DPH6: variants seen among roughly 807,000 people sequenced by gnomAD.
DPH6 encodes the protein diphthine--ammonia ligase.
Under a neutral mutation model 38.2 loss-of-function variants are expected in DPH6, and 33 were observed. That is an observed-to-expected ratio of 0.86 (90% confidence interval 0.65 to 1.15). DPH6 has a LOEUF of 1.15. Among genes scored for constraint, DPH6 ranks in the 50% most tolerant of loss-of-function variants. The probability of loss-of-function intolerance (pLI) is 0.00; values close to 1 mark genes in which losing one functional copy is unlikely to be tolerated. For missense variants in DPH6, 325 were observed against 320.0 expected (o/e 1.02, Z -0.12); for synonymous variants, 108 against 103.0 (o/e 1.05, Z -0.30).
At chr15:35,395,963 G>A (rs184637661) in intron 6 of DPH6, among the ~76,000 whole-genome samples, 26 of 152,212 alleles carry the variant, frequency 1.7e-4, no homozygotes, top group Admixed American at 1.4e-3. Flanking sequence ...TCAACTAACA[G>A]TTCATCTACA....
chr15:35,224,172 T>C (rs1233360901), intron 3 of DPH6, among the ~76,000 whole-genome samples: 1 of 147,514 alleles, frequency 6.8e-6, no homozygotes, highest in African/African-American at 2.5e-5. Context: ...AGTGGTGTGA[T>C]CTCAGCTCAC....
intron 3 of DPH6, among the ~76,000 whole-genome samples, chr15:35,274,167 TAATG>T (rs1238316919): frequency 6.6e-6 from 1 of 152,210 alleles, no homozygotes; most frequent in African/African-American, 2.4e-5. Context: ...ATTTCCTATT[TAATG>T]AATGGTGCTG....
intron 3 of DPH6, among the ~76,000 whole-genome samples, chr15:35,297,880 T>C (rs1008544688): frequency 6.6e-6 from 1 of 152,148 alleles, no homozygotes; most frequent in Non-Finnish European, 1.5e-5. Context: ...CTACCATTTA[T>C]TTGGTGGCCA....
At chr15:35,515,051 C>T (rs73382766) in intron 3 of DPH6, among the ~76,000 whole-genome samples, 14,105 of 151,868 alleles carry the variant, frequency 0.093, 895 homozygotes, top group African/African-American at 0.18. Flanking sequence ...AAGACAGACA[C>T]TGTGCTTTAA....
intron 3 of DPH6, among the ~76,000 whole-genome samples, chr15:35,528,616 G>C (rs367907146): frequency 5.1e-4 from 78 of 152,164 alleles, no homozygotes; most frequent in African/African-American, 1.9e-3. Flanking sequence ...CTCACCTACA[G>C]AGTTGCCTAT....
intron 5 of DPH6, among the ~76,000 whole-genome samples, chr15:35,426,354 C>T (rs551395045): frequency 6.6e-6 from 1 of 151,724 alleles, no homozygotes; most frequent in South Asian, 2.1e-4. Flanking sequence ...AAAATGTTAA[C>T]TATAGAATAT....
At chr15:35,496,590 A>ATATATATATATATATATATATC (rs2054561933) in intron 3 of DPH6, among the ~76,000 whole-genome samples, 2 of 130,748 alleles carry the variant, frequency 1.5e-5, no homozygotes, top group African/African-American at 5.9e-5. Context: ...ATATATATAT[A>ATATATATATATATATATATATC]TCCTCTACCA....
At chr15:35,179,279 T>C in the DPH6 span, among the ~76,000 whole-genome samples, 1 of 151,810 alleles carries the variant, frequency 6.6e-6, no homozygotes, top group South Asian at 2.1e-4. Context: ...ACATCAAATT[T>C]TAAAATGCTT....
At chr15:35,174,031 T>C in the DPH6 span, among the ~76,000 whole-genome samples, 1 of 152,214 alleles carries the variant, frequency 6.6e-6, no homozygotes, top group Non-Finnish European at 1.5e-5. Flanking sequence ...GGAGCTTGCA[T>C]TCTTCCAGTG....
At chr15:35,450,350 C>T (rs1665008701) in intron 5 of DPH6, among the ~76,000 whole-genome samples, 1 of 150,966 alleles carries the variant, frequency 6.6e-6, no homozygotes, top group African/African-American at 2.4e-5. Context: ...CAAAAATAAC[C>T]CTTGTATTTC....
intron 3 of DPH6, among the ~76,000 whole-genome samples, chr15:35,231,323 G>A (rs1225368885): frequency 2.6e-5 from 4 of 152,142 alleles, no homozygotes; most frequent in Non-Finnish European, 4.4e-5. Flanking sequence ...TACAATTGCT[G>A]GCTCTCCCTC....
intron 5 of DPH6, among the ~76,000 whole-genome samples, chr15:35,417,762 C>T (rs889347529): frequency 2.6e-5 from 4 of 152,014 alleles, no homozygotes; most frequent in African/African-American, 4.8e-5. Flanking sequence ...TTTTCAATTT[C>T]TAAGCAGTAG....
intron 3 of DPH6, among the ~76,000 whole-genome samples, chr15:35,274,453 C>G (rs929289901): frequency 1.1e-4 from 17 of 152,034 alleles, no homozygotes; most frequent in African/African-American, 3.9e-4. Flanking sequence ...TCAGAGTGAA[C>G]AGGCAACCTA....
chr15:35,364,132 T>C (rs2052636868), intron 3 of DPH6, among the ~76,000 whole-genome samples: 1 of 152,076 alleles, frequency 6.6e-6, no homozygotes. Flanking sequence ...TCCTTTGGTG[T>C]GGATATTTTC....
chr15:35,393,239 G>T (rs915709473), intron 6 of DPH6, among the ~76,000 whole-genome samples: 2 of 152,160 alleles, frequency 1.3e-5, no homozygotes, highest in Non-Finnish European at 2.9e-5. Flanking sequence ...AATGGGGATG[G>T]AGAGGAGAGA....
chr15:35,192,458 T>C, the DPH6 span, among the ~76,000 whole-genome samples: 1 of 152,204 alleles, frequency 6.6e-6, no homozygotes, highest in African/African-American at 2.4e-5. Context: ...GCAGAATAGC[T>C]CTATTTTTCC....
At chr15:35,284,781 T>C (rs1480968885) in intron 3 of DPH6, among the ~76,000 whole-genome samples, 1 of 147,824 alleles carries the variant, frequency 6.8e-6, no homozygotes, top group Non-Finnish European at 1.5e-5. Context: ...AAAAGGAAAA[T>C]TCATGGGTGA....
intron 3 of DPH6, chr15:35,522,241 G>A: frequency 6.2e-7 from 1 of 1,613,218 alleles, no homozygotes; most frequent in Non-Finnish European, 8.5e-7. Context: ...GAGATTCAGA[G>A]CATCATATTC....
chr15:35,512,301 G>A (rs557050222), intron 3 of DPH6, among the ~76,000 whole-genome samples: 15 of 152,196 alleles, frequency 9.9e-5, no homozygotes, highest in African/African-American at 3.6e-4. Flanking sequence ...AAATAAGTCA[G>A]TTAATAGCCA....
Sources: gnomAD v4.1 joint callset for allele counts (sites outside exome capture counted in the v4.1 genomes callset) on GRCh38, gnomAD v4.1.1 for gene constraint, MANE v1.5 for transcripts, NCBI Gene and HGNC (gene_info 2026-07-23, HGNC 2026-07-21) for gene names.